The following EXOC6B variants were observed in gnomAD, a reference collection of about 807,000 sequenced individuals.
EXOC6B encodes the protein SEC15 homolog B.
A neutral mutation model predicts 113.5 loss-of-function variants in EXOC6B; 54 were observed. That is an observed-to-expected ratio of 0.48 (90% confidence interval 0.38 to 0.60). The LOEUF is 0.60. EXOC6B is among the 20% of genes least tolerant of loss of function. The pLI is 0.00. For missense variants in EXOC6B, 797 were observed against 977.5 expected, an observed-to-expected ratio of 0.82 and a Z score of 2.46; for synonymous variants, 357 against 339.0, an observed-to-expected ratio of 1.05 and a Z score of -0.58.
chr2:72,793,553 A>C (rs1385648785), intron 1 of EXOC6B, among the ~76,000 whole-genome samples: 1 of 152,204 alleles, frequency 6.6e-6, no homozygotes, highest in Admixed American at 6.5e-5. Context: ...GGTCTTTAGA[A>C]GTAAATAAAA....
At chr2:72,503,719 C>A (rs1040811005) in intron 11 of EXOC6B, among the ~76,000 whole-genome samples, 1 of 152,106 alleles carries the variant, frequency 6.6e-6, no homozygotes, top group African/African-American at 2.4e-5. Context: ...TAGGCATACA[C>A]CTGCTAGATT....
chr2:72,689,849 G>C (rs1289510274), intron 6 of EXOC6B, among the ~76,000 whole-genome samples: 2 of 152,216 alleles, frequency 1.3e-5, no homozygotes, highest in Non-Finnish European at 2.9e-5. Context: ...CAATTAAAGA[G>C]ACTGTCGAAA....
At chr2:72,520,024 C>G (rs1470391336) in intron 8 of EXOC6B, among the ~76,000 whole-genome samples, 1 of 152,174 alleles carries the variant, frequency 6.6e-6, no homozygotes, top group Non-Finnish European at 1.5e-5. Flanking sequence ...TACTACTCAG[C>G]TTAAAATGGA....
chr2:72,435,714 C>CTTTTTTTTTTTTTT (rs796854472), intron 18 of EXOC6B, among the ~76,000 whole-genome samples: 1 of 126,482 alleles, frequency 7.9e-6, no homozygotes, highest in African/African-American at 3.7e-5. Context: ...GCATCCCCTG[C>CTTTTTTTTTTTTTT]TTTTTTTTTG....
At chr2:72,551,442 T>G (rs919523446) in intron 8 of EXOC6B, among the ~76,000 whole-genome samples, 18 of 151,884 alleles carry the variant, frequency 1.2e-4, no homozygotes, top group Admixed American at 1.2e-3. Context: ...GTGATCCACC[T>G]GCCTCGGCCT....
chr2:72,566,847 A>G (rs1704207450), intron 7 of EXOC6B, among the ~76,000 whole-genome samples: 2 of 152,114 alleles, frequency 1.3e-5, no homozygotes, highest in African/African-American at 4.8e-5. Flanking sequence ...CAGTAAAAAT[A>G]GAATGAGAAA....
chr2:72,271,706 A>C (rs1424131445), intron 20 of EXOC6B, among the ~76,000 whole-genome samples: 1 of 152,134 alleles, frequency 6.6e-6, no homozygotes, highest in Admixed American at 6.5e-5. Context: ...CTTGACAAAT[A>C]CTTCTGGGTT....
At chr2:72,627,467 T>A (rs1672129274) in intron 6 of EXOC6B, among the ~76,000 whole-genome samples, 1 of 152,216 alleles carries the variant, frequency 6.6e-6, no homozygotes, top group South Asian at 2.1e-4. Context: ...CAGTATTCCA[T>A]CCATATAAAT....
At chr2:72,264,553 G>T (rs770691594) in intron 20 of EXOC6B, among the ~76,000 whole-genome samples, 13 of 151,952 alleles carry the variant, frequency 8.6e-5, no homozygotes, top group African/African-American at 2.9e-4. Context: ...CCTAGGTGAC[G>T]AGCGAAATTC....
At chr2:72,313,207 G>T (rs951789269) in intron 20 of EXOC6B, among the ~76,000 whole-genome samples, 1 of 151,992 alleles carries the variant, frequency 6.6e-6, no homozygotes, top group African/African-American at 2.4e-5. Context: ...ACAGATTGGG[G>T]CCTAACGAAG....
intron 20 of EXOC6B, among the ~76,000 whole-genome samples, chr2:72,251,830 C>T (rs1683036847): frequency 6.6e-6 from 1 of 152,262 alleles, no homozygotes; most frequent in African/African-American, 2.4e-5. Context: ...TAATGTTTAG[C>T]ATGTGTAAAA....
chr2:72,431,499 A>ATCTATCTATCTATCTC (rs1558660086), intron 18 of EXOC6B, among the ~76,000 whole-genome samples: 2 of 150,212 alleles, frequency 1.3e-5, no homozygotes, highest in African/African-American at 4.9e-5. Flanking sequence ...CTATCTATCT[A>ATCTATCTATCTATCTC]TCTATCTATC....
intron 1 of EXOC6B, among the ~76,000 whole-genome samples, chr2:72,810,266 G>C (rs1369827181): frequency 2.6e-5 from 4 of 151,762 alleles, no homozygotes; most frequent in Non-Finnish European, 5.9e-5. Flanking sequence ...TATATTCCCA[G>C]CTACTCAAGC....
intron 8 of EXOC6B, among the ~76,000 whole-genome samples, chr2:72,533,750 C>T (rs1702137760): frequency 6.6e-6 from 1 of 152,146 alleles, no homozygotes; most frequent in Non-Finnish European, 1.5e-5. Flanking sequence ...TCTCCTCACA[C>T]TTCAAATACC....
rs57376166 is a variant in EXOC6B, at chr2:72,505,025, C to A, written c.1168-5053G>T. On this transcript the variant is annotated intron_variant, in intron 11 of 21. Transcript: ENST00000272427. ...AGTTCGTGCTGTTATATACAAATACCATTTTTCACTAAGTGGCATATTTTC... is the reference window on the plus strand; with the variant it reads ...AGTTCGTGCTGTTATATACAAATACAATTTTTCACTAAGTGGCATATTTTC... Among the ~76,000 whole-genome samples the A allele has an allele frequency of 4.4e-3, 663 of 152,102 alleles. 8 individuals are homozygous for A. The highest frequency in any genetic ancestry group is 0.015 in the African/African-American group (623 of 41,498).
At chr2:72,733,368 TA>T (rs938980110) in intron 2 of EXOC6B, among the ~76,000 whole-genome samples, 101 of 152,246 alleles carry the variant, frequency 6.6e-4, no homozygotes, top group African/African-American at 2.4e-3. Flanking sequence ...TAAACTAAGC[TA>T]CCATAATAAC....
intron 18 of EXOC6B, among the ~76,000 whole-genome samples, chr2:72,448,917 T>C (rs1400507067): frequency 2.0e-5 from 3 of 152,200 alleles, no homozygotes; most frequent in African/African-American, 4.8e-5. Flanking sequence ...TTTGGGCCGA[T>C]AGAGAGTGTC....
At chr2:72,658,579 T>A (rs1674780285) in intron 6 of EXOC6B, among the ~76,000 whole-genome samples, 1 of 151,616 alleles carries the variant, frequency 6.6e-6, no homozygotes, top group South Asian at 2.1e-4. Context: ...AGTACTAGAG[T>A]CAACATAGAG....
intron 6 of EXOC6B, among the ~76,000 whole-genome samples, chr2:72,606,195 C>A (rs1488680404): frequency 6.6e-6 from 1 of 151,960 alleles, no homozygotes; most frequent in Non-Finnish European, 1.5e-5. Context: ...ACAAAATTTT[C>A]CACATTCTTT....
Sources: gnomAD v4.1 joint callset for allele counts (sites outside exome capture counted in the v4.1 genomes callset) on GRCh38, gnomAD v4.1.1 for gene constraint, MANE v1.5 for transcripts, NCBI Gene and HGNC (gene_info 2026-07-23, HGNC 2026-07-21) for gene names.